The following MTUS1 variants were observed in gnomAD, a reference collection of about 807,000 sequenced individuals.
MTUS1 encodes microtubule associated scaffold protein 1.
Under a neutral mutation model 120.8 loss-of-function variants are expected in MTUS1, and 109 were observed. The ratio of observed to expected loss-of-function variants is 0.90; its 90% CI spans 0.77 to 1.06. MTUS1 has a LOEUF of 1.06. Ranked by LOEUF, MTUS1 falls within the 50% of genes least tolerant of loss-of-function variation. The probability of loss-of-function intolerance (pLI) is 0.00; values close to 1 mark genes in which losing one functional copy is unlikely to be tolerated. For missense variants in MTUS1, 2,210 were observed against 1,486.3 expected, an observed-to-expected ratio of 1.49 and a Z score of -8.01; for synonymous variants, 737 against 550.5, an observed-to-expected ratio of 1.34 and a Z score of -4.74.
chr8:17,683,346 C>G (rs1815027193), intron 7 of MTUS1, among the ~76,000 whole-genome samples: 1 of 152,040 alleles, frequency 6.6e-6, no homozygotes, highest in African/African-American at 2.4e-5. Flanking sequence ...GTCTCATCCA[C>G]TTCTCTCTCT....
At chr8:17,660,231 G>A (rs1487235095) in intron 8 of MTUS1, among the ~76,000 whole-genome samples, 1 of 152,056 alleles carries the variant, frequency 6.6e-6, no homozygotes, top group Non-Finnish European at 1.5e-5. Flanking sequence ...AAATTAGCGG[G>A]GCATGATGGC....
intron 3 of MTUS1, among the ~76,000 whole-genome samples, chr8:17,735,889 G>C (rs942739162): frequency 6.6e-6 from 1 of 152,206 alleles, no homozygotes; most frequent in Non-Finnish European, 1.5e-5. Flanking sequence ...AGGAAATAAT[G>C]AGCATACAGC....
chr8:17,730,802 G>A (rs1032275421), intron 3 of MTUS1, among the ~76,000 whole-genome samples: 6 of 152,188 alleles, frequency 3.9e-5, no homozygotes, highest in Admixed American at 3.9e-4. Flanking sequence ...AGAGTGGTGA[G>A]TGCCAGGGGC....
chr8:17,663,585 TTTTTG>T (rs752650189), intron 8 of MTUS1, among the ~76,000 whole-genome samples: 55 of 106,702 alleles, frequency 5.2e-4, no homozygotes, highest in African/African-American at 1.3e-3. Flanking sequence ...CTAAGCCTAC[TTTTTG>T]TTTTGTTTTG....
At chr8:17,763,141 C>A (rs564717482) in intron 1 of MTUS1, among the ~76,000 whole-genome samples, 15 of 152,242 alleles carry the variant, frequency 9.9e-5, no homozygotes, top group African/African-American at 3.4e-4. Context: ...CAGGTGCCCA[C>A]CACCACGCCC....
chr8:17,650,220 T>C (rs956677054), intron 12 of MTUS1, among the ~76,000 whole-genome samples: 2 of 152,214 alleles, frequency 1.3e-5, no homozygotes, highest in African/African-American at 4.8e-5. Flanking sequence ...CATGTTATTG[T>C]ATCAAGAGAA....
chr8:17,800,636 G>T (rs1225563376), intron 1 of MTUS1: 2 of 152,198 alleles, frequency 1.3e-5, no homozygotes, highest in Non-Finnish European at 2.9e-5. Flanking sequence ...GTGAAAAAGT[G>T]CAAACAAGCT....
intron 3 of MTUS1, among the ~76,000 whole-genome samples, chr8:17,743,351 A>G (rs1229179917): frequency 6.6e-6 from 1 of 152,198 alleles, no homozygotes; most frequent in Non-Finnish European, 1.5e-5. Context: ...ACCCAATTGT[A>G]TATTTATGTA....
chr8:17,779,149 G>C (rs1302685791), intron 1 of MTUS1, among the ~76,000 whole-genome samples: 1 of 152,204 alleles, frequency 6.6e-6, no homozygotes, highest in African/African-American at 2.4e-5. Flanking sequence ...AGGAGGCAGA[G>C]ACTGGAAAGG....
At chr8:17,714,636 C>G (rs932507417) in intron 5 of MTUS1, among the ~76,000 whole-genome samples, 4 of 152,002 alleles carry the variant, frequency 2.6e-5, no homozygotes, top group African/African-American at 9.7e-5. Context: ...TAATAAAAAG[C>G]AAGATACAGA....
At chr8:17,688,462 T>C (rs1402603197) in intron 6 of MTUS1, among the ~76,000 whole-genome samples, 5 of 152,226 alleles carry the variant, frequency 3.3e-5, no homozygotes, top group South Asian at 2.1e-4. Flanking sequence ...CTACAACATA[T>C]TGCATTAAAA....
Position 17,709,566 on chromosome 8 carries a change from A to G in MTUS1, c.2623+3648T>C, listed in dbSNP as rs189492965. Among the ~76,000 whole-genome samples, 164 of 152,266 alleles carry G rather than the reference A, an allele frequency of 1.1e-3. 1 individual carries two copies. The East Asian group carries it at 0.013, about 12-fold the overall frequency. ...TGTAGTCAACATTCTGTAACATTACATGCATACCTGGGAGATATATATCAC... is the reference window on the plus strand; with the variant it reads ...TGTAGTCAACATTCTGTAACATTACGTGCATACCTGGGAGATATATATCAC... On this transcript the variant is annotated intron_variant, in intron 6 of 14. Coordinates refer to ENST00000693296, the MANE Select transcript of MTUS1 (RefSeq NM_001363059.2).
At chr8:17,678,718 C>T (rs528621919) in intron 7 of MTUS1, among the ~76,000 whole-genome samples, 2 of 144,412 alleles carry the variant, frequency 1.4e-5, no homozygotes, top group Non-Finnish European at 3.0e-5. Context: ...CACCTTTGTT[C>T]AGGTGCTACT....
intron 1 of MTUS1, among the ~76,000 whole-genome samples, chr8:17,780,641 C>T (rs138004872): frequency 6.6e-6 from 1 of 152,314 alleles, no homozygotes; most frequent in East Asian, 1.9e-4. Context: ...GCATTCCTCA[C>T]CTTCACTATT....
intron 6 of MTUS1, among the ~76,000 whole-genome samples, chr8:17,710,055 C>G (rs1820983255): frequency 6.6e-6 from 1 of 151,934 alleles, no homozygotes; most frequent in Admixed American, 6.6e-5. Context: ...CTAAAAAATG[C>G]TAAAGATCAT....
At chr8:17,791,681 C>A (rs1228747043) in intron 1 of MTUS1, among the ~76,000 whole-genome samples, 3 of 152,158 alleles carry the variant, frequency 2.0e-5, no homozygotes, top group African/African-American at 7.2e-5. Flanking sequence ...AATAAACAAT[C>A]TCCAATGTTT....
intron 8 of MTUS1, among the ~76,000 whole-genome samples, chr8:17,661,696 C>T (rs1423490273): frequency 6.8e-6 from 1 of 147,676 alleles, no homozygotes; most frequent in South Asian, 2.1e-4. Flanking sequence ...GAAGAGAGGA[C>T]ACATGGGAAG....
Position 17,754,806 on chromosome 8 carries a change from G to T in MTUS1, c.1002C>A (p.Gly334=). The change falls in exon 2 of 15, where the codon GGC becomes GGA. Residue 334 remains glycine (G), a synonymous_variant. Coordinates refer to ENST00000693296, the MANE Select transcript of MTUS1 (RefSeq NM_001363059.2). Reference sequence around the variant, plus strand: ...AGGACACTGTCTCTCTCAGATTTTGGCCCATTTCCTTGTGCCTGTATGAGC... The same window carrying T: ...AGGACACTGTCTCTCTCAGATTTTGTCCCATTTCCTTGTGCCTGTATGAGC... The part of the protein sequence containing the change: ...SQSSYRHKEM[G]QNLRETVSYC... 6.2e-7 allele frequency: 1 copy of T among 1,614,192 alleles called. No homozygotes were observed. Among genetic ancestry groups the T allele is most frequent in the African/African-American group, 1.3e-5 (1 of 75,064 alleles).
chr8:17,653,523 G>T (rs199846245), intron 10 of MTUS1, 25 bp from the exon 11 acceptor site: 2 of 1,538,588 alleles, frequency 1.3e-6, no homozygotes, highest in East Asian at 4.5e-5. Context: ...GGATATTTTT[G>T]AGGCAATAAC....
Sources: allele counts gnomAD v4.1 joint callset (sites outside exome capture counted in the v4.1 genomes callset), GRCh38; gene constraint gnomAD v4.1.1; transcripts MANE v1.5; gene names NCBI Gene and HGNC (gene_info 2026-07-23, HGNC 2026-07-21).